The following ZBBX variants were observed in gnomAD, a reference collection of about 807,000 sequenced individuals.
The protein encoded by ZBBX is zinc finger B-box domain containing.
ZBBX carries 101 observed loss-of-function variants against 108.5 expected under a neutral mutation model. The ratio of observed to expected loss-of-function variants is 0.93; its 90% confidence interval spans 0.79 to 1.10. The LOEUF (loss-of-function observed/expected upper bound fraction) is 1.10, where lower values mean the gene tolerates loss of function less well. ZBBX is among the 50% of genes least tolerant of loss of function. The probability of loss-of-function intolerance (pLI) is 0.00; values close to 1 mark genes in which losing one functional copy is unlikely to be tolerated. For missense variants in ZBBX, 1,009 were observed against 941.4 expected (o/e 1.07, Z -0.94); for synonymous variants, 356 against 323.4 (o/e 1.10, Z -1.08).
chr3:167,402,918 A>G (rs183466661), intron 1 of ZBBX, among the ~76,000 whole-genome samples: 2 of 152,322 alleles, frequency 1.3e-5, no homozygotes, highest in African/African-American at 4.8e-5. Context: ...TGTTAAATAC[A>G]TAACAAACTG....
chr3:167,247,231 G>A (rs1226553964), intron 20 of ZBBX, among the ~76,000 whole-genome samples: 1 of 152,144 alleles, frequency 6.6e-6, no homozygotes, highest in Non-Finnish European at 1.5e-5. Flanking sequence ...GACACAAGTG[G>A]TTGGACGGCA....
At chr3:167,358,365 G>A (rs1351470807) in intron 8 of ZBBX, among the ~76,000 whole-genome samples, 1 of 151,874 alleles carries the variant, frequency 6.6e-6, no homozygotes, top group Non-Finnish European at 1.5e-5. Context: ...TATTTACTAG[G>A]GGATGGGGGG....
intron 18 of ZBBX, among the ~76,000 whole-genome samples, chr3:167,292,192 G>C (rs1163037592): frequency 6.6e-6 from 1 of 152,092 alleles, no homozygotes; most frequent in Non-Finnish European, 1.5e-5. Flanking sequence ...ACTCAGCTCT[G>C]GACCAAGTGG....
chr3:167,358,935 C>CAA (rs59753251), intron 8 of ZBBX, among the ~76,000 whole-genome samples: 140 of 66,210 alleles, frequency 2.1e-3, no homozygotes, highest in Non-Finnish European at 2.7e-3. Context: ...GACTCCATCT[C>CAA]AAAAAAAAAA....
chr3:167,352,354 C>T (rs561201613), intron 8 of ZBBX, among the ~76,000 whole-genome samples: 14 of 152,036 alleles, frequency 9.2e-5, no homozygotes, highest in African/African-American at 3.4e-4. Context: ...CTACTATGAG[C>T]ATCTCCACAC....
At chr3:167,405,179 A>G (rs1748546318) in intron 1 of ZBBX, among the ~76,000 whole-genome samples, 1 of 152,202 alleles carries the variant, frequency 6.6e-6, no homozygotes, top group Non-Finnish European at 1.5e-5. Context: ...AAAAATGTCT[A>G]CAGGGCAATT....
In ZBBX at chr3:167,305,835, T is replaced by C; in HGVS notation, c.1533A>G (p.Ile511Met). 1 of 1,611,620 alleles carries C rather than the reference T, an allele frequency of 6.2e-7. No individual in the cohort carries two copies. The part of the protein sequence containing the change: ...SFERNLKEKN[I>M]GLESNQKSDD... ...CAGACTTTTGATTACTTTCTAAACC[T>C]ATATTTTTCTCCTTTAAATTTCTTT... Residue 511 changes from isoleucine (I) to methionine (M), a missense_variant, in exon 17 of 22, where the codon ATA becomes ATG. Ile to Met is a conservative substitution (Grantham distance 10, BLOSUM62 1). Transcript: ENST00000675490.
chr3:167,292,763 C>T (rs374349616), intron 18 of ZBBX, among the ~76,000 whole-genome samples: 7 of 152,060 alleles, frequency 4.6e-5, no homozygotes, highest in Admixed American at 3.3e-4. Flanking sequence ...AATCCAGGAG[C>T]TGTTTATTTG....
rs549927065 is a variant in ZBBX, at chr3:167,297,266, A to G, written c.1879+1039T>C. On this transcript the variant is annotated intron_variant, in intron 18 of 21. Coordinates refer to ENST00000675490, the MANE Select transcript of ZBBX (RefSeq NM_001199201.2). The stretch of plus-strand genomic sequence containing the variant: ...TCTCTCAGCCAAATAATTTTTGACA[A>G]GGGTGCCTAGACCATTCAATGGGGG... Among the ~76,000 whole-genome samples, 3 of 152,098 alleles carry G rather than the reference A, an allele frequency of 2.0e-5. No homozygotes were observed. The South Asian group carries it at 6.2e-4, about 32-fold the overall frequency.
intron 20 of ZBBX, among the ~76,000 whole-genome samples, chr3:167,259,540 C>T (rs1724098226): frequency 6.6e-6 from 1 of 151,940 alleles, no homozygotes; most frequent in Admixed American, 6.6e-5. Context: ...GTTCCTGTTT[C>T]CTTAGTTCCT....
chr3:167,330,871 G>GAGAAGAAGAAGA (rs1303832807), intron 10 of ZBBX, among the ~76,000 whole-genome samples: 10 of 43,946 alleles, frequency 2.3e-4, no homozygotes, highest in Middle Eastern at 0.022. Flanking sequence ...GGAGGAGGAG[G>GAGAAGAAGAAGA]AGAAGAAGAA....
At chr3:167,362,493 G>A (rs897804715) in intron 6 of ZBBX, among the ~76,000 whole-genome samples, 4 of 152,066 alleles carry the variant, frequency 2.6e-5, no homozygotes, top group African/African-American at 7.2e-5. Flanking sequence ...TCTTTCAGAC[G>A]TTCTCACTGT....
chr3:167,266,160 T>C (rs1236117410), intron 20 of ZBBX, among the ~76,000 whole-genome samples: 3 of 152,226 alleles, frequency 2.0e-5, no homozygotes, highest in African/African-American at 4.8e-5. Context: ...AAATGAATGA[T>C]GTAGGCTTCT....
At chr3:167,249,469 A>G (rs1722188589) in intron 20 of ZBBX, among the ~76,000 whole-genome samples, 1 of 152,154 alleles carries the variant, frequency 6.6e-6, no homozygotes, top group African/African-American at 2.4e-5. Flanking sequence ...AGACCACCCT[A>G]TACAGCTTCA....
chr3:167,345,160 T>A (rs891099974), intron 9 of ZBBX, among the ~76,000 whole-genome samples: 5 of 151,922 alleles, frequency 3.3e-5, no homozygotes, highest in African/African-American at 7.2e-5. Context: ...CTCATTCACA[T>A]TTCTATTTGT....
chr3:167,378,215 A>T (rs1747263913), intron 2 of ZBBX, among the ~76,000 whole-genome samples: 1 of 152,128 alleles, frequency 6.6e-6, no homozygotes, highest in Admixed American at 6.5e-5. Context: ...GGTTGCATTC[A>T]ATCTTTCAGC....
rs141222317 is a variant in ZBBX, at chr3:167,321,173, C to G, written c.983+944G>C. Among the ~76,000 whole-genome samples the G allele has an allele frequency of 9.0e-3, 1,364 of 151,998 alleles. 28 individuals carry two copies. Among genetic ancestry groups the G allele is most frequent in the African/African-American group, 0.031 (1,288 of 41,494 alleles). On this transcript the variant is annotated intron_variant, in intron 12 of 21. Coordinates refer to ENST00000675490, the MANE Select transcript of ZBBX (RefSeq NM_001199201.2). ...ATTTTGAAACCCATCTGTATATCTT[C>G]TTTTCAAAATAATCCAAAAGAAAAA...
At chr3:167,359,472 A>G (rs1300319786) in intron 8 of ZBBX, among the ~76,000 whole-genome samples, 5 of 152,194 alleles carry the variant, frequency 3.3e-5, no homozygotes, top group Non-Finnish European at 2.9e-5. Context: ...GATGACAGCA[A>G]GTATAGACAA....
chr3:167,307,629 G>A (rs893635522), intron 16 of ZBBX, among the ~76,000 whole-genome samples: 86 of 152,042 alleles, frequency 5.7e-4, no homozygotes, highest in Non-Finnish European at 8.2e-4. Context: ...TAGACCAGTG[G>A]AACAGAATAG....
Sources: allele counts gnomAD v4.1 joint callset (sites outside exome capture counted in the v4.1 genomes callset), GRCh38; gene constraint gnomAD v4.1.1; transcripts MANE v1.5; gene names NCBI Gene and HGNC (gene_info 2026-07-23, HGNC 2026-07-21).